Variants in DNM3 observed in about 807,000 individuals in gnomAD.
DNM3 encodes dynamin 3, also known as dynamin-3.
In DNM3, 47 loss-of-function variants were observed where a neutral mutation model predicts 101.6. The ratio of observed to expected loss-of-function variants is 0.46; its 90% CI spans 0.37 to 0.59. The LOEUF is 0.59. Among genes scored for constraint, DNM3 ranks in the 20% least tolerant of loss-of-function variants. The probability of loss-of-function intolerance (pLI) is 0.00; values close to 1 mark genes in which losing one functional copy is unlikely to be tolerated. For synonymous variants in DNM3, 385 were observed against 387.9 expected, an observed-to-expected ratio of 0.99 and a Z score of 0.09; for missense variants, 849 against 1,085.7, an observed-to-expected ratio of 0.78 and a Z score of 3.06.
intron 17 of DNM3, among the ~76,000 whole-genome samples, chr1:172,354,108 T>TGAGAGAGA (rs1181407960): frequency 6.2e-4 from 19 of 30,806 alleles, no homozygotes; most frequent in Admixed American, 1.7e-3. Flanking sequence ...TGTGTGTGTG[T>TGAGAGAGA]GTGTGAGAGA....
Position 172,038,465 on chromosome 1 carries a change from G to A in DNM3, c.992+4G>A. On this transcript the variant is annotated splice_donor_region_variant and intron_variant, in intron 7 of 20. Coordinates refer to ENST00000627582, the MANE Select transcript of DNM3 (RefSeq NM_015569.5). The stretch of plus-strand genomic sequence containing the variant: ...GGAAGACCAAAGCATTGCTGCAGTA[G>A]GTCACCTTTCCCTTCCTTGGCTCAG... The A allele has an allele frequency of 1.2e-6, 2 of 1,611,694 alleles. No homozygotes were observed. The highest frequency in any genetic ancestry group is 1.7e-6 in the Non-Finnish European group (2 of 1,178,880).
Position 172,236,188 on chromosome 1 carries a change from G to A in DNM3, c.1660-17385G>A, listed in dbSNP as rs74827195. 8.0e-3 allele frequency among the ~76,000 whole-genome samples: 1,219 copies of A among 152,178 alleles called. 9 individuals are homozygous for A. Among genetic ancestry groups the A allele is most frequent in the Non-Finnish European group, 0.013 (880 of 68,014 alleles). ...GTCTCCTTCCTCCTCTACCATGTTA[G>A]TCTACTCTTTGGTTTTCCTGCTCTT... On this transcript the variant is annotated intron_variant, in intron 14 of 20. Coordinates refer to ENST00000627582, the MANE Select transcript of DNM3 (RefSeq NM_015569.5).
chr1:172,088,320 A>G (rs1264851035), intron 12 of DNM3, among the ~76,000 whole-genome samples: 1 of 152,190 alleles, frequency 6.6e-6, no homozygotes, highest in African/African-American at 2.4e-5. Flanking sequence ...TTGGAGTTTT[A>G]AGACTGGACA....
chr1:172,219,772 A>G (rs2060840860), intron 14 of DNM3, among the ~76,000 whole-genome samples: 1 of 152,078 alleles, frequency 6.6e-6, no homozygotes, highest in African/African-American at 2.4e-5. Context: ...TAGCTCCTTT[A>G]ATTTAAATCT....
intron 13 of DNM3, among the ~76,000 whole-genome samples, chr1:172,109,854 G>A (rs570758375): frequency 2.0e-5 from 3 of 152,228 alleles, no homozygotes; most frequent in East Asian, 3.9e-4. Flanking sequence ...TTTTCAGTTA[G>A]CCATCATTAA....
intron 12 of DNM3, among the ~76,000 whole-genome samples, chr1:172,087,365 A>G (rs567066793): frequency 9.9e-5 from 15 of 152,056 alleles, no homozygotes; most frequent in South Asian, 2.1e-4. Context: ...ACCCACTCCA[A>G]TGGTTTTAGT....
intron 1 of DNM3, among the ~76,000 whole-genome samples, chr1:171,853,932 G>T (rs1163050159): frequency 6.6e-6 from 1 of 152,056 alleles, no homozygotes; most frequent in Non-Finnish European, 1.5e-5. Flanking sequence ...CCTCCCAGAG[G>T]TATTCACCTC....
intron 15 of DNM3, among the ~76,000 whole-genome samples, chr1:172,294,442 T>C (rs1460776873): frequency 1.3e-5 from 2 of 152,228 alleles, no homozygotes. Context: ...GTTTGTTTTA[T>C]GGAGGCTATA....
At chr1:172,001,822 G>A (rs113657364) in intron 4 of DNM3, among the ~76,000 whole-genome samples, 2,471 of 151,954 alleles carry the variant, frequency 0.016, 48 homozygotes, top group African/African-American at 0.048. Context: ...CTCCTTCAGC[G>A]TTTGCTTTTT....
intron 1 of DNM3, among the ~76,000 whole-genome samples, chr1:171,876,908 G>A (rs999968500): frequency 1.3e-5 from 2 of 152,150 alleles, no homozygotes; most frequent in African/African-American, 4.8e-5. Flanking sequence ...GTTGTTCCAG[G>A]CGATTAGCAA....
At chr1:171,945,231 A>G (rs1422253444) in intron 2 of DNM3, among the ~76,000 whole-genome samples, 1 of 151,864 alleles carries the variant, frequency 6.6e-6, no homozygotes, top group Non-Finnish European at 1.5e-5. Flanking sequence ...TTTTCCAAGA[A>G]AAGAATGATG....
chr1:172,395,625 G>A (rs2069919879), intron 20 of DNM3, among the ~76,000 whole-genome samples: 1 of 152,254 alleles, frequency 6.6e-6, no homozygotes, highest in Non-Finnish European at 1.5e-5. Flanking sequence ...GGATTTAGCT[G>A]AGAGTTTGAT....
chr1:172,332,873 A>G (rs1295302067), intron 17 of DNM3, among the ~76,000 whole-genome samples: 1 of 152,240 alleles, frequency 6.6e-6, no homozygotes, highest in African/African-American at 2.4e-5. Flanking sequence ...CTCACTATCC[A>G]AATGGCGACA....
intron 1 of DNM3, among the ~76,000 whole-genome samples, chr1:171,889,171 G>T (rs1043652973): frequency 1.3e-5 from 2 of 152,008 alleles, no homozygotes; most frequent in Admixed American, 1.3e-4. Context: ...TAGAGACAGG[G>T]TCTTGCTATG....
At chr1:172,217,821 C>A (rs1246694854) in intron 14 of DNM3, among the ~76,000 whole-genome samples, 2 of 152,080 alleles carry the variant, frequency 1.3e-5, no homozygotes, top group Non-Finnish European at 2.9e-5. Context: ...AGGGAAATCA[C>A]AATGAGTGCA....
chr1:172,334,813 G>C (rs1424860011), intron 17 of DNM3, among the ~76,000 whole-genome samples: 1 of 152,176 alleles, frequency 6.6e-6, no homozygotes, highest in East Asian at 1.9e-4. Context: ...ATGTTACAAA[G>C]AATTGCCTTA....
At chr1:172,323,155 G>A (rs1366717330) in intron 16 of DNM3, among the ~76,000 whole-genome samples, 174 bp from the exon 17 acceptor site, 1 of 152,086 alleles carries the variant, frequency 6.6e-6, no homozygotes. Context: ...GTATGTGTAT[G>A]TATGAGATGT....
At chr1:172,227,631 G>C (rs2061183370) in intron 14 of DNM3, among the ~76,000 whole-genome samples, 2 of 152,058 alleles carry the variant, frequency 1.3e-5, no homozygotes, top group East Asian at 3.9e-4. Flanking sequence ...TTCTGGCTGG[G>C]GTAAGGTGGT....
intron 14 of DNM3, among the ~76,000 whole-genome samples, chr1:172,170,627 A>G (rs2058921224): frequency 6.6e-6 from 1 of 151,830 alleles, no homozygotes; most frequent in Non-Finnish European, 1.5e-5. Flanking sequence ...CAGTCATTTT[A>G]GGGTAATCTG....
Sources: allele counts gnomAD v4.1 joint callset (sites outside exome capture counted in the v4.1 genomes callset), GRCh38; gene constraint gnomAD v4.1.1; transcripts MANE v1.5; gene names NCBI Gene and HGNC (gene_info 2026-07-23, HGNC 2026-07-21).